The following TMCC1 variants were observed in gnomAD, a reference collection of about 807,000 sequenced individuals.
The protein encoded by TMCC1 is transmembrane and coiled-coil domains protein 1.
A neutral mutation model predicts 52.4 loss-of-function variants in TMCC1; 15 were observed. That is an observed-to-expected ratio of 0.29 (90% CI 0.19 to 0.44). The LOEUF (loss-of-function observed/expected upper bound fraction) is 0.44. Among genes scored for constraint, TMCC1 ranks in the 20% least tolerant of loss-of-function variants. The pLI is 1.00. For missense variants in TMCC1, 503 were observed against 806.0 expected (o/e 0.62, Z 4.55); for synonymous variants, 279 against 301.9 (o/e 0.92, Z 0.79).
chr3:129,749,126 C>CA (rs971535599), intron 4 of TMCC1, among the ~76,000 whole-genome samples: 2 of 150,278 alleles, frequency 1.3e-5, no homozygotes, highest in South Asian at 2.1e-4. Flanking sequence ...CACCCCCCAC[C>CA]AAAAAAAATA....
chr3:129,669,094 A>G (rs2087702972), intron 5 of TMCC1, among the ~76,000 whole-genome samples: 1 of 152,254 alleles, frequency 6.6e-6, no homozygotes, highest in South Asian at 2.1e-4. Context: ...ATTACTGATT[A>G]GAGTTTTCAC....
In TMCC1 at chr3:129,756,874, C is replaced by T. The variant is rs146625463; in HGVS notation, c.576+70929G>A. ...TGTTGATTATAAAGTGGAAGCAAAG[C>T]GAAATTTTTAGGGTAAAGGAGTTGT... is the stretch of plus-strand genomic sequence containing the variant. On this transcript the variant is annotated intron_variant, in intron 4 of 6. Coordinates refer to ENST00000393238, the MANE Select transcript of TMCC1 (RefSeq NM_001017395.5). 3.1e-3 allele frequency among the ~76,000 whole-genome samples: 479 copies of T among 152,174 alleles called. 6 individuals are homozygous for T. The highest frequency in any genetic ancestry group is 3.9e-3 in the Non-Finnish European group (268 of 68,018).
chr3:129,716,114 T>C (rs1039618513), intron 4 of TMCC1, among the ~76,000 whole-genome samples: 33 of 151,942 alleles, frequency 2.2e-4, no homozygotes, highest in Admixed American at 2.0e-3. Context: ...ACACTGGCAA[T>C]GAAACTCTCT....
chr3:129,656,136 G>A (rs2086655800), intron 5 of TMCC1, among the ~76,000 whole-genome samples: 1 of 152,366 alleles, frequency 6.6e-6, no homozygotes, highest in South Asian at 2.1e-4. Flanking sequence ...TCTTCTCATA[G>A]TGGTGAAGAA....
At chr3:129,845,194 A>T (rs1241895926) in intron 2 of TMCC1, among the ~76,000 whole-genome samples, 3 of 1,230 alleles carry the variant, frequency 2.4e-3, no homozygotes, top group South Asian at 0.062. Context: ...TCACACTCAC[A>T]CACACACACA....
At chr3:129,834,971 G>A (rs942623571) in intron 2 of TMCC1, among the ~76,000 whole-genome samples, 1 of 152,084 alleles carries the variant, frequency 6.6e-6, no homozygotes, top group Non-Finnish European at 1.5e-5. Context: ...CCCTCTAGAC[G>A]GTTGTGAGAG....
chr3:129,859,348 T>G (rs2060278484), intron 2 of TMCC1, among the ~76,000 whole-genome samples: 1 of 152,170 alleles, frequency 6.6e-6, no homozygotes, highest in Admixed American at 6.6e-5. Flanking sequence ...AAAAAATGAA[T>G]TCAGGCTGGG....
At chr3:129,759,956 C>G (rs922127906) in intron 4 of TMCC1, among the ~76,000 whole-genome samples, 3 of 151,348 alleles carry the variant, frequency 2.0e-5, no homozygotes, top group African/African-American at 7.3e-5. Flanking sequence ...CTCCTGACCT[C>G]GTGATCCACC....
chr3:129,730,290 CAT>C (rs758466238), intron 4 of TMCC1, among the ~76,000 whole-genome samples: 6 of 152,022 alleles, frequency 3.9e-5, no homozygotes, highest in South Asian at 2.1e-4. Flanking sequence ...CTAAAAGTTT[CAT>C]AGTTTATTTT....
At chr3:129,761,382 C>G (rs1043338407) in intron 4 of TMCC1, among the ~76,000 whole-genome samples, 1 of 150,586 alleles carries the variant, frequency 6.6e-6, no homozygotes, top group African/African-American at 2.4e-5. Context: ...GATCCCTCCT[C>G]CTCTTCCCTG....
At chr3:129,826,585 C>A (rs1442259362) in intron 4 of TMCC1, among the ~76,000 whole-genome samples, 5 of 151,950 alleles carry the variant, frequency 3.3e-5, no homozygotes, top group Non-Finnish European at 1.5e-5. Context: ...TAATTCACAT[C>A]ATTATTTTGA....
intron 4 of TMCC1, among the ~76,000 whole-genome samples, chr3:129,798,531 A>AG (rs1412441285): frequency 6.6e-6 from 1 of 150,958 alleles, no homozygotes; most frequent in African/African-American, 2.4e-5. Flanking sequence ...ATCCAAAAAA[A>AG]AAAAAAAAAA....
At chr3:129,838,370 C>T (rs2059260221) in intron 2 of TMCC1, among the ~76,000 whole-genome samples, 1 of 152,000 alleles carries the variant, frequency 6.6e-6, no homozygotes, top group Non-Finnish European at 1.5e-5. Context: ...GAGCGTCCCA[C>T]TGCATTCCAG....
intron 4 of TMCC1, among the ~76,000 whole-genome samples, chr3:129,721,427 T>C (rs2049574509): frequency 6.6e-6 from 1 of 152,056 alleles, no homozygotes; most frequent in Non-Finnish European, 1.5e-5. Flanking sequence ...CAACCTCCAC[T>C]GCCCTACCCT....
At chr3:129,741,418 T>A (rs1429951971) in intron 4 of TMCC1, among the ~76,000 whole-genome samples, 1 of 152,190 alleles carries the variant, frequency 6.6e-6, no homozygotes, top group Non-Finnish European at 1.5e-5. Context: ...AGATTGAGGC[T>A]TGCAAAAGTC....
chr3:129,838,709 C>T (rs376849394), intron 2 of TMCC1, among the ~76,000 whole-genome samples: 48 of 126,970 alleles, frequency 3.8e-4, no homozygotes, highest in Admixed American at 2.4e-3. Flanking sequence ...GCCGAGATCG[C>T]GCCAATGCAC....
chr3:129,725,402 C>T (rs372047937), intron 4 of TMCC1, among the ~76,000 whole-genome samples: 6 of 152,202 alleles, frequency 3.9e-5, no homozygotes, highest in East Asian at 3.9e-4. Context: ...AGCCACTGTG[C>T]GCGGCCTAAT....
chr3:129,843,456 AGATT>A (rs1173637511), intron 2 of TMCC1, among the ~76,000 whole-genome samples: 1 of 152,234 alleles, frequency 6.6e-6, no homozygotes, highest in Admixed American at 6.5e-5. Context: ...TTCTTTGAAA[AGATT>A]GATAAAATTG....
intron 4 of TMCC1, among the ~76,000 whole-genome samples, chr3:129,676,036 C>CAAAAAAAAA (rs61105005): frequency 5.6e-4 from 26 of 46,310 alleles, no homozygotes; most frequent in African/African-American, 2.0e-3. Flanking sequence ...GACTCTGTCT[C>CAAAAAAAAA]AAAAAAAAAA....
Sources: allele counts gnomAD v4.1 joint callset (sites outside exome capture counted in the v4.1 genomes callset), GRCh38; gene constraint gnomAD v4.1.1; transcripts MANE v1.5; gene names NCBI Gene and HGNC (gene_info 2026-07-23, HGNC 2026-07-21).